PLCB1: variants seen among roughly 807,000 people sequenced by gnomAD.
PLCB1 encodes phospholipase C beta 1, also known as 1-phosphatidylinositol 4,5-bisphosphate phosphodiesterase beta-1.
PLCB1 carries 46 observed loss-of-function variants against 161.8 expected under a neutral mutation model. That is an observed-to-expected ratio of 0.28 (90% CI 0.22 to 0.36). PLCB1 has a LOEUF of 0.36. PLCB1 is among the 10% of genes least tolerant of loss of function. PLCB1 has a pLI of 1.00. For synonymous variants in PLCB1, 517 were observed against 503.7 expected, an observed-to-expected ratio of 1.03 and a Z score of -0.35; for missense variants, 1,016 against 1,472.5, an observed-to-expected ratio of 0.69 and a Z score of 5.07.
At chr20:8,136,616 ACT>A (rs1455122707) in intron 1 of PLCB1, among the ~76,000 whole-genome samples, 3 of 135,934 alleles carry the variant, frequency 2.2e-5, no homozygotes, top group Admixed American at 7.8e-5. Flanking sequence ...ACAGAGCAAG[ACT>A]CTGTCTCAAA....
In PLCB1 at chr20:8,361,276, C is replaced by T. The variant is rs1055878457; in HGVS notation, c.178-10106C>T. Among the ~76,000 whole-genome samples, 6 of 152,140 alleles carry T rather than the reference C, an allele frequency of 3.9e-5. No individual in the cohort carries two copies. The South Asian group carries it at 6.2e-4, about 16-fold the overall frequency. ...ACTTCTCAGTTTTATTAGTAGTTTT[C>T]TCATTGCTCTTAGAATTCTGATGCA... On this transcript the variant is annotated intron_variant, in intron 2 of 31. Coordinates refer to ENST00000338037, the MANE Select transcript of PLCB1 (RefSeq NM_015192.4).
At chr20:8,546,794 CAAA>C in intron 3 of PLCB1, among the ~76,000 whole-genome samples, 1 of 117,168 alleles carries the variant, frequency 8.5e-6, no homozygotes, top group African/African-American at 3.0e-5. Flanking sequence ...ACCCTCTTGA[CAAA>C]AAAAAAAAAA....
chr20:8,361,098 A>T (rs142019641), intron 2 of PLCB1, among the ~76,000 whole-genome samples: 6 of 152,360 alleles, frequency 3.9e-5, no homozygotes, highest in African/African-American at 1.4e-4. Flanking sequence ...CAAATGTATC[A>T]TGCACAGGGC....
chr20:8,651,306 C>T (rs1411503464), intron 7 of PLCB1: 1 of 628,530 alleles, frequency 1.6e-6, no homozygotes, highest in Non-Finnish European at 2.9e-6. Context: ...ATTTATCAGC[C>T]AATTATTGTT....
chr20:8,778,322 G>A (rs1196095735), intron 27 of PLCB1, among the ~76,000 whole-genome samples: 1 of 152,136 alleles, frequency 6.6e-6, no homozygotes, highest in Non-Finnish European at 1.5e-5. Flanking sequence ...TCACAAGAAA[G>A]TCATGCAAAA....
At chr20:8,243,488 A>G (rs775708894) in intron 2 of PLCB1, among the ~76,000 whole-genome samples, 1 of 151,960 alleles carries the variant, frequency 6.6e-6, no homozygotes, top group Non-Finnish European at 1.5e-5. Context: ...GCCAGGAAAT[A>G]TATTTTTAGG....
intron 9 of PLCB1, among the ~76,000 whole-genome samples, chr20:8,682,917 A>G (rs116479079): frequency 0.019 from 2,857 of 152,280 alleles, 74 homozygotes; most frequent in African/African-American, 0.056. Flanking sequence ...AAGTATTTAT[A>G]CAAAGATGTA....
intron 2 of PLCB1, among the ~76,000 whole-genome samples, chr20:8,202,941 G>A (rs1267056912): frequency 1.3e-5 from 2 of 152,060 alleles, no homozygotes; most frequent in Non-Finnish European, 2.9e-5. Flanking sequence ...TCATATGAGG[G>A]GGAGCGAGTC....
intron 4 of PLCB1, among the ~76,000 whole-genome samples, chr20:8,636,471 T>C (rs1162522336): frequency 1.3e-5 from 2 of 152,232 alleles, no homozygotes; most frequent in African/African-American, 4.8e-5. Context: ...GATGCACAAC[T>C]TAAACTTTTA....
At chr20:8,592,708 CA>C (rs34082884) in intron 3 of PLCB1, among the ~76,000 whole-genome samples, 1 of 152,190 alleles carries the variant, frequency 6.6e-6, no homozygotes, top group Non-Finnish European at 1.5e-5. Flanking sequence ...CATCATCACT[CA>C]AAAAGTTTCA....
intron 31 of PLCB1, among the ~76,000 whole-genome samples, chr20:8,810,712 C>T (rs6056140): frequency 0.026 from 4,026 of 152,146 alleles, 168 homozygotes; most frequent in African/African-American, 0.092. Flanking sequence ...GCTTATAATC[C>T]CAGCACTTTG....
intron 23 of PLCB1, among the ~76,000 whole-genome samples, chr20:8,742,557 G>C (rs1980939044): frequency 6.6e-6 from 1 of 152,180 alleles, no homozygotes; most frequent in Non-Finnish European, 1.5e-5. Context: ...CATCCGCTCA[G>C]AGATAGCCAC....
At chr20:8,860,925 A>G (rs551309089) in intron 31 of PLCB1, among the ~76,000 whole-genome samples, 2 of 152,354 alleles carry the variant, frequency 1.3e-5, no homozygotes, top group African/African-American at 4.8e-5. Context: ...AGAGGTATCA[A>G]TACCATCATC....
At chr20:8,336,692 T>C (rs1441351295) in intron 2 of PLCB1, among the ~76,000 whole-genome samples, 1 of 152,190 alleles carries the variant, frequency 6.6e-6, no homozygotes, top group Non-Finnish European at 1.5e-5. Flanking sequence ...TAGATTCCTG[T>C]CTTGGGATGG....
At chr20:8,858,977 G>C (rs529244047) in intron 31 of PLCB1, among the ~76,000 whole-genome samples, 1 of 150,402 alleles carries the variant, frequency 6.6e-6, no homozygotes, top group East Asian at 2.0e-4. Context: ...TTAGCCTCCT[G>C]ACATACCTCT....
At chr20:8,601,160 C>A (rs1300197418) in intron 3 of PLCB1, among the ~76,000 whole-genome samples, 1 of 152,114 alleles carries the variant, frequency 6.6e-6, no homozygotes, top group African/African-American at 2.4e-5. Flanking sequence ...CAAAAGAAGA[C>A]TGTTAAGAGG....
intron 2 of PLCB1, among the ~76,000 whole-genome samples, chr20:8,265,590 A>G (rs889957030): frequency 6.6e-6 from 1 of 152,278 alleles, no homozygotes; most frequent in South Asian, 2.1e-4. Context: ...CTGCATCTCA[A>G]ATTTATATCT....
chr20:8,262,477 G>A (rs1018723693), intron 2 of PLCB1, among the ~76,000 whole-genome samples: 1 of 152,044 alleles, frequency 6.6e-6, no homozygotes, highest in African/African-American at 2.4e-5. Flanking sequence ...TCTTTGTTTC[G>A]TGAGAACCCC....
intron 31 of PLCB1, among the ~76,000 whole-genome samples, chr20:8,843,625 A>G (rs1266006182): frequency 3.9e-5 from 6 of 151,984 alleles, no homozygotes; most frequent in African/African-American, 1.4e-4. Flanking sequence ...TATAATATAT[A>G]TATTTTAAAT....
Sources: gnomAD v4.1 joint callset for allele counts (sites outside exome capture counted in the v4.1 genomes callset) on GRCh38, gnomAD v4.1.1 for gene constraint, MANE v1.5 for transcripts, NCBI Gene and HGNC (gene_info 2026-07-23, HGNC 2026-07-21) for gene names.